RASSF3: variants seen among roughly 807,000 people sequenced by gnomAD.
RASSF3 encodes the protein ras association domain-containing protein 3.
In RASSF3, 19 loss-of-function variants were observed where a neutral mutation model predicts 19.9. The observed-to-expected ratio is 0.96, with a 90% CI of 0.67 to 1.40. The LOEUF (loss-of-function observed/expected upper bound fraction) is 1.40. RASSF3 is among the 40% of genes most tolerant of loss of function. The pLI is 0.00. For missense variants in RASSF3, 306 were observed against 289.8 expected (o/e 1.06, Z -0.41); for synonymous variants, 110 against 104.2 (o/e 1.06, Z -0.34).
chr12:64,507,902 A>G (rs972556624), intron 1 of RASSF3, among the ~76,000 whole-genome samples: 1 of 152,108 alleles, frequency 6.6e-6, no homozygotes, highest in Non-Finnish European at 1.5e-5. Flanking sequence ...GGAATATGCA[A>G]GGGTCAGAGG....
At chr12:64,676,589 A>C (rs1355702912) in intron 1 of RASSF3, among the ~76,000 whole-genome samples, 1 of 148,560 alleles carries the variant, frequency 6.7e-6, no homozygotes, top group Non-Finnish European at 1.5e-5. Context: ...CTCCTGCCTC[A>C]GACTCACAAG....
At chr12:64,557,141 C>G (rs1399606291) in intron 2 of RASSF3, among the ~76,000 whole-genome samples, 4 of 151,926 alleles carry the variant, frequency 2.6e-5, no homozygotes, top group African/African-American at 9.7e-5. Flanking sequence ...CCAGCTTTCC[C>G]TGCCCATCTT....
intron 1 of RASSF3, among the ~76,000 whole-genome samples, chr12:64,666,973 A>G (rs936857012): frequency 6.6e-6 from 1 of 152,188 alleles, no homozygotes; most frequent in African/African-American, 2.4e-5. Flanking sequence ...AGTGGGAGCA[A>G]AAGTAATTGA....
intron 1 of RASSF3, among the ~76,000 whole-genome samples, chr12:64,663,528 T>C (rs534444939): frequency 1.4e-4 from 10 of 71,060 alleles, no homozygotes; most frequent in African/African-American, 2.2e-4. Context: ...TTATTGTTAT[T>C]TTTTTTTTTT....
chr12:64,560,498 C>T (rs1227366649), intron 2 of RASSF3, among the ~76,000 whole-genome samples: 2 of 152,222 alleles, frequency 1.3e-5, no homozygotes, highest in Non-Finnish European at 2.9e-5. Context: ...GATCTCTGCA[C>T]CTGCACTGCA....
intron 2 of RASSF3, among the ~76,000 whole-genome samples, chr12:64,550,737 T>A (rs992805602): frequency 6.9e-6 from 1 of 145,450 alleles, no homozygotes; most frequent in Admixed American, 7.0e-5. Flanking sequence ...AGTGGGAGAA[T>A]TGCGTGAGCC....
chr12:64,573,682 C>T (rs1869554066), intron 2 of RASSF3, among the ~76,000 whole-genome samples: 1 of 152,210 alleles, frequency 6.6e-6, no homozygotes, highest in Non-Finnish European at 1.5e-5. Flanking sequence ...ATTTGGGCCT[C>T]TCCAAAGCAG....
rs541927854 is a variant in RASSF3 at position 64,603,462 on chromosome 12, G to A, written c.294+61757G>A. On this transcript the variant is annotated intron_variant, in intron 2 of 5. Transcript: ENST00000637125. ...AGTGCCCTTTGCACAAAATATTTCA[G>A]CTCATTAGGTCCTAGATATGTTGGA... 2.0e-5 allele frequency among the ~76,000 whole-genome samples: 3 copies of A among 152,264 alleles called. No homozygotes were observed. The East Asian group carries it at 5.8e-4, about 29-fold the overall frequency.
downstream of RASSF3, among the ~76,000 whole-genome samples, chr12:64,543,895 G>A (rs550170833): frequency 1.3e-5 from 2 of 152,078 alleles, no homozygotes; most frequent in East Asian, 3.9e-4. Context: ...GTGGGGACAT[G>A]GAGAACTTTT....
At position 64,637,833 on chromosome 12, in the gene RASSF3, AT is replaced by A. The variant is rs751326161; in HGVS notation, c.111+27106del. On this transcript the variant is annotated intron_variant, in intron 1 of 4. Transcript: ENST00000542104. ...TGTGCCCTTTTTCTATAGTTATCAG[AT>A]TTTTTTTTTTTTTTTAAAGACAGAG... 5.8e-3 allele frequency among the ~76,000 whole-genome samples: 763 copies of A among 131,540 alleles called. 1 individual carries two copies. Among genetic ancestry groups the A allele is most frequent in the Middle Eastern group, 9.1e-3 (2 of 220 alleles). 86.3% of individuals were successfully genotyped at this position (131,540 alleles called of 152,430 possible).
Position 64,689,760 on chromosome 12 carries a change from T to G in RASSF3, c.457+1307T>G, listed in dbSNP as rs150932787. ...AAGCTACCGGAGCTTATATTCTGAT[T>G]GCTTGGTTTGTAGCTGCTAATTCGC... On this transcript the variant is annotated intron_variant, in intron 3 of 4. Transcript: ENST00000542104. 2.5e-3 allele frequency among the ~76,000 whole-genome samples: 366 copies of G among 148,646 alleles called. 1 individual carries two copies. In the Middle Eastern group the frequency reaches 0.028, roughly 11 times the overall value.
In RASSF3 at chr12:64,631,610, C is replaced by T. The variant is rs112349563; in HGVS notation, c.111+20867C>T. ...ATGTTGAGACATAGTCTTGCTCTGT[C>T]GCCCAGGCTGGAGTGCAGTGGTGCA... is the stretch of plus-strand genomic sequence containing the variant. On this transcript the variant is annotated intron_variant, in intron 1 of 4. Transcript: ENST00000542104. 3.3e-3 allele frequency among the ~76,000 whole-genome samples: 499 copies of T among 152,198 alleles called. 5 individuals are homozygous for T. Among genetic ancestry groups the T allele is most frequent in the African/African-American group, 0.012 (487 of 41,496 alleles).
chr12:64,690,025 G>A (rs1868259018), intron 3 of RASSF3, among the ~76,000 whole-genome samples: 2 of 151,862 alleles, frequency 1.3e-5, no homozygotes, highest in African/African-American at 4.8e-5. Context: ...TCCTGACCTT[G>A]TGATCCGCCC....
chr12:64,575,638 TAAAGA>T (rs1384727344), intron 2 of RASSF3: 1 of 151,976 alleles, frequency 6.6e-6, no homozygotes, highest in Non-Finnish European at 1.5e-5. Flanking sequence ...TATGAAAAAC[TAAAGA>T]TTTTTTTAAA....
At chr12:64,619,118 G>A (rs1440343485) in intron 1 of RASSF3, among the ~76,000 whole-genome samples, 1 of 152,062 alleles carries the variant, frequency 6.6e-6, no homozygotes, top group Admixed American at 6.6e-5. Flanking sequence ...TGCTGAAGCA[G>A]GGCTGGCAGC....
At chr12:64,690,413 G>T (rs1430028450) in intron 3 of RASSF3, among the ~76,000 whole-genome samples, 1 of 150,996 alleles carries the variant, frequency 6.6e-6, no homozygotes, top group Admixed American at 6.6e-5. Context: ...TCAAACTCCT[G>T]ACCCCAGGCA....
intron 1 of RASSF3, among the ~76,000 whole-genome samples, chr12:64,676,810 C>G (rs1201351122): frequency 6.6e-6 from 1 of 151,476 alleles, no homozygotes; most frequent in African/African-American, 2.4e-5. Flanking sequence ...GCTGTGTTGC[C>G]CAGGCTGGAG....
At chr12:64,540,183 C>A (rs530414595) in intron 1 of RASSF3, among the ~76,000 whole-genome samples, 6 of 152,174 alleles carry the variant, frequency 3.9e-5, no homozygotes, top group African/African-American at 1.2e-4. Flanking sequence ...AAGTTTACAA[C>A]TGAAGCCAAT....
intron 3 of RASSF3, among the ~76,000 whole-genome samples, chr12:64,688,889 GA>G (rs1873465221): frequency 6.6e-6 from 1 of 152,154 alleles, no homozygotes; most frequent in Non-Finnish European, 1.5e-5. Flanking sequence ...TGCGACTGGG[GA>G]GGCACATGTG....
Sources: allele counts gnomAD v4.1 joint callset (sites outside exome capture counted in the v4.1 genomes callset), GRCh38; gene constraint gnomAD v4.1.1; transcripts MANE v1.5; gene names NCBI Gene and HGNC (gene_info 2026-07-23, HGNC 2026-07-21).